ITGAE: variants seen among roughly 807,000 people sequenced by gnomAD.
ITGAE encodes the protein integrin alpha-E.
ITGAE carries 99 observed loss-of-function variants against 136.5 expected under a neutral mutation model. The observed-to-expected ratio is 0.73, with a 90% CI of 0.62 to 0.86. The LOEUF (loss-of-function observed/expected upper bound fraction) is 0.86. Among genes scored for constraint, ITGAE ranks in the 40% least tolerant of loss-of-function variants. The pLI is 0.00. For synonymous variants in ITGAE, 613 were observed against 591.8 expected (o/e 1.04, Z -0.52); for missense variants, 1,447 against 1,515.3 (o/e 0.95, Z 0.75).
At chr17:3,723,777 A>G (rs1305303918) in intron 26 of ITGAE, 33 bp from the exon 27 acceptor site, 7 of 1,602,734 alleles carry the variant, frequency 4.4e-6, no homozygotes, top group South Asian at 3.3e-5. Context: ...GACGCGCTGA[A>G]CAAACCAAGC....
At chr17:3,773,683 T>C (rs2052478692) in intron 2 of ITGAE, among the ~76,000 whole-genome samples, 1 of 152,004 alleles carries the variant, frequency 6.6e-6, no homozygotes, top group South Asian at 2.1e-4. Flanking sequence ...CCTCATTACA[T>C]AGGCATGACT....
At chr17:3,756,831 C>T (rs535656083) in intron 10 of ITGAE, among the ~76,000 whole-genome samples, 153 bp downstream of exon 10, 6 of 152,362 alleles carry the variant, frequency 3.9e-5, no homozygotes, top group Admixed American at 2.6e-4. Context: ...GCATGAGCCA[C>T]CACACCCGGC....
At chr17:3,779,035 C>G (rs754309462) in intron 1 of ITGAE, among the ~76,000 whole-genome samples, 2 of 149,812 alleles carry the variant, frequency 1.3e-5, no homozygotes, top group African/African-American at 4.9e-5. Flanking sequence ...GTTCTAGAAC[C>G]AGCAAAACTA....
intron 22 of ITGAE, 114 bp from the exon 23 acceptor site, chr17:3,731,297 C>T: frequency 1.3e-6 from 1 of 748,212 alleles, no homozygotes. Context: ...TTTCACATTC[C>T]TCACATTTTT....
At chr17:3,778,318 T>G (rs1254320167) in intron 1 of ITGAE, among the ~76,000 whole-genome samples, 2 of 152,172 alleles carry the variant, frequency 1.3e-5, no homozygotes, top group Non-Finnish European at 2.9e-5. Flanking sequence ...ATCCCAGCAC[T>G]TTGGGAGGCC....
At chr17:3,733,583 G>A (rs1046486007) in intron 21 of ITGAE, among the ~76,000 whole-genome samples, 5 of 151,884 alleles carry the variant, frequency 3.3e-5, no homozygotes, top group Non-Finnish European at 4.4e-5. Flanking sequence ...ACCACACCTG[G>A]CTAATTTTTG....
intron 2 of ITGAE, among the ~76,000 whole-genome samples, chr17:3,772,847 C>T (rs1250563029): frequency 1.3e-5 from 2 of 152,114 alleles, no homozygotes; most frequent in Non-Finnish European, 2.9e-5. Flanking sequence ...GCTCTGTCTC[C>T]CCTGCAGCTC....
At chr17:3,741,141 A>G (rs1335818028) in intron 19 of ITGAE, among the ~76,000 whole-genome samples, 6 of 136,280 alleles carry the variant, frequency 4.4e-5, no homozygotes, top group Admixed American at 2.5e-4. Context: ...GCAGTGGCGC[A>G]ATCTCCGCTC....
At position 3,759,411 on chromosome 17, in the gene ITGAE, T is replaced by C; in HGVS notation, c.857A>G (p.Gln286Arg). Residue 286 changes from glutamine to arginine, a missense_variant, in exon 8 of 31, where the codon CAA (glutamine) becomes CGA (arginine). This residue lies in a region of ITGAE where 310 missense variants were observed against 416.1 expected (regional missense o/e 0.74). Coordinates refer to ENST00000263087, the MANE Select transcript of ITGAE (RefSeq NM_002208.5). ...CAGCCCCCACACTCACAAGACGTGT[T>C]GCATGGCTGAGGCAGTCTTGGTGAC... ...GSVTKTASAM[Q>R]HVLDSIFTSS... 6.2e-7 allele frequency: 1 copy of C among 1,613,804 alleles called. No homozygotes were observed. The highest frequency in any genetic ancestry group is 1.1e-5 in the South Asian group (1 of 91,080).
intron 1 of ITGAE, among the ~76,000 whole-genome samples, chr17:3,780,354 G>T (rs2052638034): frequency 1.3e-5 from 2 of 152,010 alleles, no homozygotes; most frequent in South Asian, 4.1e-4. Context: ...AGTAGAGAGG[G>T]GGTTTCACCG....
chr17:3,761,821 C>T (rs1444917714), intron 4 of ITGAE, 94 bp downstream of exon 4: 11 of 1,089,642 alleles, frequency 1.0e-5, no homozygotes, highest in South Asian at 1.4e-5. Context: ...TCGGGAACAG[C>T]ATGGCAGTCA....
intron 4 of ITGAE, 74 bp from the exon 5 acceptor site, chr17:3,761,594 C>G: frequency 2.2e-6 from 3 of 1,387,734 alleles, no homozygotes; most frequent in Non-Finnish European, 1.0e-6. Context: ...CATTCTCACC[C>G]CCATTCCAGA....
chr17:3,771,779 C>T (rs555125588), intron 2 of ITGAE, among the ~76,000 whole-genome samples: 3 of 152,200 alleles, frequency 2.0e-5, no homozygotes, highest in Admixed American at 6.5e-5. Flanking sequence ...TCAGGTGACC[C>T]GCCCGCCTTG....
intron 26 of ITGAE, chr17:3,725,139 G>GTC (rs1380328580): frequency 1.2e-6 from 2 of 1,614,050 alleles, no homozygotes; most frequent in Non-Finnish European, 1.7e-6. Flanking sequence ...TGTGTCAGAG[G>GTC]TCTGCAGCAT....
At chr17:3,742,129 A>T (rs2051602753) in intron 19 of ITGAE, among the ~76,000 whole-genome samples, 1 of 152,212 alleles carries the variant, frequency 6.6e-6, no homozygotes, top group Non-Finnish European at 1.5e-5. Context: ...GAAATATCAG[A>T]CAAATTGAGG....
At chr17:3,719,628 C>T (rs1478827715) in intron 29 of ITGAE, among the ~76,000 whole-genome samples, 2 of 152,194 alleles carry the variant, frequency 1.3e-5, no homozygotes, top group Non-Finnish European at 1.5e-5. Flanking sequence ...TTTATGCATT[C>T]CTGAGTACTG....
At chr17:3,760,340 G>T in intron 6 of ITGAE, 53 bp from the exon 7 acceptor site, 1 of 1,080,374 alleles carries the variant, frequency 9.3e-7, no homozygotes, top group Non-Finnish European at 1.4e-6. Flanking sequence ...GCAGATGTAA[G>T]GGTAGCATGT....
In ITGAE at chr17:3,719,406, CTA is replaced by C. The variant is rs2051006990; in HGVS notation, c.3333+899_3333+900del. On this transcript the variant is annotated intron_variant, in intron 29 of 30. Transcript: ENST00000263087. ...CAGCATCACTCTCCTGACATTCCCT[CTA>C]GTAGAGAATCATGCCTAACTAAAGA... Among the ~76,000 whole-genome samples the C allele has an allele frequency of 2.0e-5, 3 of 152,120 alleles. No homozygotes were observed. The South Asian group carries it at 6.2e-4, about 31-fold the overall frequency.
intron 1 of ITGAE, among the ~76,000 whole-genome samples, chr17:3,796,116 CATCCCTGTGTGT>C (rs1423697183): frequency 1.8e-4 from 2 of 11,012 alleles, no homozygotes; most frequent in Non-Finnish European, 4.1e-4. Context: ...TCCCTGTGTG[CATCCCTGTGTGT>C]GCATCCATGT....
Sources: allele counts gnomAD v4.1 joint callset (sites outside exome capture counted in the v4.1 genomes callset), GRCh38; gene constraint gnomAD v4.1.1; regional missense constraint gnomAD v4.1.1; transcripts MANE v1.5; gene names NCBI Gene and HGNC (gene_info 2026-07-23, HGNC 2026-07-21).